The following ITGB6 variants were observed in gnomAD, a reference collection of about 807,000 sequenced individuals.
The protein encoded by ITGB6 is integrin beta-6.
Under a neutral mutation model 84.5 loss-of-function variants are expected in ITGB6, and 80 were observed. The ratio of observed to expected loss-of-function variants is 0.95; its 90% CI spans 0.79 to 1.14. The LOEUF (loss-of-function observed/expected upper bound fraction) is 1.14, where lower values mean the gene tolerates loss of function less well. Ranked by LOEUF, ITGB6 falls within the 50% of genes most tolerant of loss-of-function variation. The pLI, the probability that ITGB6 is intolerant of heterozygous loss-of-function variation, is 0.00. For synonymous variants in ITGB6, 383 were observed against 354.9 expected (o/e 1.08, Z -0.89); for missense variants, 1,006 against 968.0 (o/e 1.04, Z -0.52).
rs140880939 is a variant in ITGB6 at position 160,175,585 on chromosome 2, G to A, written c.594-1446C>T. Among the ~76,000 whole-genome samples the A allele has an allele frequency of 5.6e-3, 852 of 152,192 alleles. 8 individuals carry two copies. The highest frequency in any genetic ancestry group is 0.019 in the African/African-American group (799 of 41,506). On this transcript the variant is annotated intron_variant, in intron 4 of 14. Transcript: ENST00000283249. ...ATGGATGGTTTCACTGTTTAAAATA[G>A]CCCCCAGGCATAATGCTGAAATGCT...
chr2:160,187,022 G>A (rs1471929061), intron 4 of ITGB6, among the ~76,000 whole-genome samples: 6 of 152,158 alleles, frequency 3.9e-5, no homozygotes, highest in Non-Finnish European at 8.8e-5. Context: ...CGTAGATGAC[G>A]GGTTGATGGG....
chr2:160,185,726 A>G (rs961410000), intron 4 of ITGB6, among the ~76,000 whole-genome samples: 4 of 152,224 alleles, frequency 2.6e-5, no homozygotes, highest in Admixed American at 6.5e-5. Context: ...AAACTATACT[A>G]CAAAGCTACA....
At chr2:160,184,884 G>A (rs62175395) in intron 4 of ITGB6, among the ~76,000 whole-genome samples, 46,356 of 151,998 alleles carry the variant, frequency 0.3, 8,817 homozygotes, top group Non-Finnish European at 0.42. Flanking sequence ...AAAATCACAT[G>A]ATTATCTCAA....
In ITGB6 at chr2:160,146,340, C is replaced by T. The variant is rs75646739; in HGVS notation, c.1018-4269G>A. On this transcript the variant is annotated intron_variant, in intron 7 of 14. Coordinates refer to ENST00000283249, the MANE Select transcript of ITGB6 (RefSeq NM_000888.5). The stretch of plus-strand genomic sequence containing the variant: ...TGTAAAACCAAATGCTCAGAGCAGC[C>T]GGCTGCTTCTCTTTAGACTCTCTGC... Among the ~76,000 whole-genome samples, 296 of 152,226 alleles carry T rather than the reference C, an allele frequency of 1.9e-3. 11 individuals are homozygous for T. The East Asian group carries it at 0.05, about 26-fold the overall frequency.
At chr2:160,183,820 C>G (rs924939460) in intron 4 of ITGB6, among the ~76,000 whole-genome samples, 1 of 152,160 alleles carries the variant, frequency 6.6e-6, no homozygotes, top group East Asian at 1.9e-4. Flanking sequence ...CAAATTAGAA[C>G]TGAGGATTAA....
In ITGB6 at chr2:160,126,425, T is replaced by G. The variant is rs775693403; in HGVS notation, c.1837A>C (p.Thr613Pro). 1 of 1,614,168 alleles carries G rather than the reference T, an allele frequency of 6.2e-7. No homozygotes were observed. The highest frequency in any genetic ancestry group is 1.1e-5 in the South Asian group (1 of 91,082). ...CCACAGGTAGGACATCGTTCACAGG[T>G]TGGTCCTGAGGCTCCAGGGTTTGTG... The part of the protein sequence containing the change: ...VCTNPGASGP[T>P]CERCPTCGDP... Residue 613 changes from threonine (T) to proline (P), a missense_variant, in exon 11 of 15, where the codon ACC becomes CCC. Thr to Pro is a conservative substitution (Grantham distance 38). Transcript: ENST00000283249.
At chr2:160,163,250 T>C (rs190281069) in intron 7 of ITGB6, among the ~76,000 whole-genome samples, 103 of 152,352 alleles carry the variant, frequency 6.8e-4, no homozygotes, top group African/African-American at 2.4e-3. Context: ...TTTCCTGATC[T>C]TAAAGCACTG....
chr2:160,178,688 CTTTTTTTTTT>C (rs746675372), intron 4 of ITGB6, among the ~76,000 whole-genome samples: 1 of 103,746 alleles, frequency 9.6e-6, no homozygotes. Context: ...CTCTCTCTCT[CTTTTTTTTTT>C]TTTTTTTTTT....
At chr2:160,135,499 A>G (rs942486299) in intron 10 of ITGB6, among the ~76,000 whole-genome samples, 3 of 151,994 alleles carry the variant, frequency 2.0e-5, no homozygotes, top group Non-Finnish European at 2.9e-5. Context: ...TATAGATTCA[A>G]TGCCATCCCC....
At chr2:160,147,652 A>AT in intron 7 of ITGB6, among the ~76,000 whole-genome samples, 1 of 152,238 alleles carries the variant, frequency 6.6e-6, no homozygotes, top group Admixed American at 6.5e-5. Context: ...AACAGAATAG[A>AT]GAGCCCAGAA....
intron 10 of ITGB6, among the ~76,000 whole-genome samples, chr2:160,129,101 G>C (rs1467652174): frequency 6.6e-6 from 1 of 152,112 alleles, no homozygotes; most frequent in African/African-American, 2.4e-5. Flanking sequence ...GAAGGGAACA[G>C]AAGTGATATT....
intron 7 of ITGB6, among the ~76,000 whole-genome samples, chr2:160,142,544 T>A (rs1684038770): frequency 6.6e-6 from 1 of 152,212 alleles, no homozygotes; most frequent in Admixed American, 6.5e-5. Context: ...AGTAACCGCT[T>A]GGTGGAGAAA....
chr2:160,101,872 A>C (rs770167659), intron 14 of ITGB6, 38 bp from the exon 15 acceptor site: 1 of 1,265,336 alleles, frequency 7.9e-7, no homozygotes, highest in South Asian at 1.3e-5. Context: ...AAGTATGTAT[A>C]TTTTGTTTTT....
At chr2:160,145,442 C>G (rs1266559336) in intron 7 of ITGB6, among the ~76,000 whole-genome samples, 1 of 152,218 alleles carries the variant, frequency 6.6e-6, no homozygotes, top group African/African-American at 2.4e-5. Context: ...CTATTTATCT[C>G]TTCACTCGGC....
In ITGB6 at chr2:160,103,244, G is replaced by A. The variant is rs1333956561; in HGVS notation, c.2269-1410C>T. On this transcript the variant is annotated intron_variant, in intron 14 of 14. Transcript: ENST00000283249. ...ATTTCTTTCAGCTCTTAAAAGAATT[G>A]AATAAAATCGGAAACACTCCCCGGT... is the stretch of plus-strand genomic sequence containing the variant. 2.0e-5 allele frequency among the ~76,000 whole-genome samples: 3 copies of A among 152,222 alleles called. No individual in the cohort carries two copies. The East Asian group carries it at 5.8e-4, about 29-fold the overall frequency.
intron 4 of ITGB6, among the ~76,000 whole-genome samples, chr2:160,193,292 A>T (rs1323191614): frequency 6.6e-6 from 1 of 152,246 alleles, no homozygotes; most frequent in Non-Finnish European, 1.5e-5. Context: ...ATTATTAATT[A>T]AAACAAAAAG....
At chr2:160,105,678 C>A (rs1696878939) in intron 14 of ITGB6, among the ~76,000 whole-genome samples, 1 of 152,136 alleles carries the variant, frequency 6.6e-6, no homozygotes, top group Non-Finnish European at 1.5e-5. Flanking sequence ...CTGCTATTGT[C>A]CTTTGTGGCA....
chr2:160,187,628 G>T (rs894786188), intron 4 of ITGB6, among the ~76,000 whole-genome samples: 4 of 152,138 alleles, frequency 2.6e-5, no homozygotes, highest in African/African-American at 9.7e-5. Context: ...CATTAAACCA[G>T]ATGCTTAAAG....
At chr2:160,149,744 G>C (rs2105836229) in intron 7 of ITGB6, among the ~76,000 whole-genome samples, 1 of 152,270 alleles carries the variant, frequency 6.6e-6, no homozygotes, top group African/African-American at 2.4e-5. Context: ...AGAATAAACA[G>C]TGTAGAGAAG....
Sources: allele counts gnomAD v4.1 joint callset (sites outside exome capture counted in the v4.1 genomes callset), GRCh38; gene constraint gnomAD v4.1.1; transcripts MANE v1.5; gene names NCBI Gene and HGNC (gene_info 2026-07-23, HGNC 2026-07-21).